PPA2: variants seen among roughly 807,000 people sequenced by gnomAD.
PPA2 encodes inorganic pyrophosphatase 2, mitochondrial.
Under a neutral mutation model 49.5 loss-of-function variants are expected in PPA2, and 48 were observed. The observed-to-expected ratio is 0.97, with a 90% CI of 0.77 to 1.23. PPA2 has a LOEUF of 1.23. Among genes scored for constraint, PPA2 ranks in the 50% most tolerant of loss-of-function variants. The pLI, the probability that PPA2 is intolerant of heterozygous loss-of-function variation, is 0.00. For missense variants in PPA2, 429 were observed against 410.1 expected (o/e 1.05, Z -0.40); for synonymous variants, 131 against 139.9 (o/e 0.94, Z 0.45).
chr4:105,446,183 A>G, intron 5 of PPA2, 200 bp downstream of exon 5: 1 of 418,118 alleles, frequency 2.4e-6, no homozygotes, highest in African/African-American at 2.0e-5. Context: ...GACTCCAAGA[A>G]CTTGAGTATA....
chr4:105,385,961 C>A (rs908143488), intron 10 of PPA2, among the ~76,000 whole-genome samples: 1 of 150,520 alleles, frequency 6.6e-6, no homozygotes, highest in South Asian at 2.1e-4. Context: ...TTCACTGCAA[C>A]CTTTGCCTCC....
rs112301391 is a variant in PPA2, at chr4:105,386,605, G to A, written c.901C>T (p.Arg301Cys). The A allele has an allele frequency of 4.0e-4, 639 of 1,612,524 alleles. 4 individuals carry two copies. The East Asian group carries it at 0.013, about 34-fold the overall frequency. Residue 301 changes from arginine to cysteine, a missense_variant, in exon 10 of 12, where the codon CGT becomes TGT. Physicochemically the swap from Arg to Cys is radical, Grantham distance 180. Transcript: ENST00000341695. ...GATCTTGCTTCCTCTTGAGTGCAAC[G>A]GAAAGGGCTATCAGATATCTGCACG... The part of the protein sequence containing the change: ...TNVQISDSPF[R>C]CTQEEARSLV...
chr4:105,440,565 G>A (rs1225389818), intron 5 of PPA2, among the ~76,000 whole-genome samples: 1 of 152,116 alleles, frequency 6.6e-6, no homozygotes, highest in East Asian at 1.9e-4. Flanking sequence ...CGGCCAATAA[G>A]AGGATCTTTA....
At chr4:105,379,456 G>T (rs1578795785) in intron 10 of PPA2, among the ~76,000 whole-genome samples, 1 of 101,636 alleles carries the variant, frequency 9.8e-6, no homozygotes, top group South Asian at 3.6e-4. Flanking sequence ...TAGATAGATA[G>T]ATAGATAGAT....
At chr4:105,449,019 C>T (rs1197382458) in intron 4 of PPA2, among the ~76,000 whole-genome samples, 1 of 126,138 alleles carries the variant, frequency 7.9e-6, no homozygotes, top group Non-Finnish European at 1.6e-5. Context: ...GAGATCGAGA[C>T]CATCCCGGCT....
chr4:105,436,277 C>T (rs1166713154), intron 6 of PPA2, among the ~76,000 whole-genome samples: 1 of 151,902 alleles, frequency 6.6e-6, no homozygotes, highest in Non-Finnish European at 1.5e-5. Flanking sequence ...GTGGGTAAAA[C>T]ATCTCTGCAA....
At chr4:105,401,094 C>G (rs1734344566) in intron 7 of PPA2, among the ~76,000 whole-genome samples, 1 of 152,078 alleles carries the variant, frequency 6.6e-6, no homozygotes, top group Non-Finnish European at 1.5e-5. Flanking sequence ...AATAACCCCT[C>G]TGAAATTATA....
intron 11 of PPA2, 84 bp downstream of exon 11, chr4:105,370,753 T>G (rs933521782): frequency 7.6e-5 from 97 of 1,268,402 alleles, no homozygotes; most frequent in Non-Finnish European, 9.5e-5. Context: ...ATCTATTTTA[T>G]TTTTAGTTTT....
Position 105,386,599 on chromosome 4 carries a change from T to C in PPA2, c.907A>G (p.Thr303Ala). 1 of 1,612,694 alleles carries C rather than the reference T, an allele frequency of 6.2e-7. No homozygotes were observed. Among genetic ancestry groups the C allele is most frequent in the Non-Finnish European group, 8.5e-7 (1 of 1,179,068 alleles). ...VQISDSPFRC[T>A]QEEARSLVES... ...ACTAATGATCTTGCTTCCTCTTGAGTGCAACGGAAAGGGCTATCAGATATC... is the reference window on the plus strand; with the variant it reads ...ACTAATGATCTTGCTTCCTCTTGAGCGCAACGGAAAGGGCTATCAGATATC... The change falls in exon 10 of 12, where the codon ACT (threonine) becomes GCT (alanine). Residue 303 changes from threonine (T) to alanine (A), a missense_variant. By Grantham distance (58) the Thr-to-Ala change is moderately conservative. Coordinates refer to ENST00000341695, the MANE Select transcript of PPA2 (RefSeq NM_176869.3).
rs1560635196 is a variant in PPA2, at chr4:105,446,449, C to T, written c.375G>A (p.Lys125=). The T allele has an allele frequency of 1.0e-5, 16 of 1,606,302 alleles. No homozygotes were observed. Among genetic ancestry groups the T allele is most frequent in the East Asian group, 6.8e-5 (3 of 44,332 alleles). Residue 125 remains lysine, a synonymous_variant, in exon 5 of 12, where the codon AAG becomes AAA. Coordinates refer to ENST00000341695, the MANE Select transcript of PPA2 (RefSeq NM_176869.3). ...GGAAGATATTCGCCACATAGCGTAG[C>T]TTTCCATCCTTTACATATTGTTTAA... ...NPIKQYVKDG[K]LRYVANIFPY...
In PPA2 at chr4:105,374,815, T is replaced by C. The variant is rs995320476; in HGVS notation, c.940-3942A>G. 4.7e-4 allele frequency among the ~76,000 whole-genome samples: 72 copies of C among 152,092 alleles called. 1 individual carries two copies. The highest frequency in any genetic ancestry group is 4.7e-3 in the Admixed American group (71 of 15,262). On this transcript the variant is annotated intron_variant, in intron 10 of 11. Coordinates refer to ENST00000341695, the MANE Select transcript of PPA2 (RefSeq NM_176869.3). The stretch of plus-strand genomic sequence containing the variant: ...TCATTCAGGTGATGCAAGGTTTTAG[T>C]TGAATTAAAGTGCCTTGGACATTGT...
intron 9 of PPA2, among the ~76,000 whole-genome samples, chr4:105,393,372 T>C: frequency 6.6e-6 from 1 of 151,246 alleles, no homozygotes. Context: ...TGCATGCCTG[T>C]ACTTGGGAGG....
intron 4 of PPA2, chr4:105,447,976 C>T: frequency 3.9e-6 from 1 of 258,964 alleles, no homozygotes; most frequent in Non-Finnish European, 7.7e-6. Context: ...AAACTCCTGG[C>T]CTCAAGTGAT....
chr4:105,405,757 C>A, intron 7 of PPA2: 1 of 658,388 alleles, frequency 1.5e-6, no homozygotes, highest in Non-Finnish European at 2.3e-6. Context: ...ATCAAAAAGA[C>A]TCAAAAACAA....
intron 9 of PPA2, among the ~76,000 whole-genome samples, chr4:105,394,795 C>CAT (rs1734071626): frequency 1.3e-5 from 2 of 152,056 alleles, no homozygotes; most frequent in Non-Finnish European, 2.9e-5. Context: ...GGGAAACACT[C>CAT]AAGTCTCATC....
intron 6 of PPA2, among the ~76,000 whole-genome samples, chr4:105,437,635 G>A (rs1000235646): frequency 6.6e-6 from 1 of 152,154 alleles, no homozygotes. Context: ...AGGCTTTGTA[G>A]ACTATACAAT....
intron 7 of PPA2, among the ~76,000 whole-genome samples, chr4:105,415,146 C>A (rs1722948447): frequency 6.6e-6 from 1 of 152,190 alleles, no homozygotes; most frequent in African/African-American, 2.4e-5. Context: ...CACTCCAGGC[C>A]ACAGATTTCA....
chr4:105,390,260 T>G (rs1361124024), intron 9 of PPA2, among the ~76,000 whole-genome samples: 1 of 152,162 alleles, frequency 6.6e-6, no homozygotes, highest in African/African-American at 2.4e-5. Flanking sequence ...GGGCAAAGAC[T>G]TCATGACTAA....
intron 7 of PPA2, among the ~76,000 whole-genome samples, chr4:105,413,947 A>G (rs1722879504): frequency 6.6e-6 from 1 of 152,232 alleles, no homozygotes; most frequent in African/African-American, 2.4e-5. Context: ...CTGCAAATAG[A>G]ATGTCTGCAA....
Sources: gnomAD v4.1 joint callset for allele counts (sites outside exome capture counted in the v4.1 genomes callset) on GRCh38, gnomAD v4.1.1 for gene constraint, MANE v1.5 for transcripts, NCBI Gene and HGNC (gene_info 2026-07-23, HGNC 2026-07-21) for gene names.